The following A2M variants were observed in gnomAD, a reference collection of about 807,000 sequenced individuals.
The protein encoded by A2M is alpha-2-macroglobulin.
A neutral mutation model predicts 183.9 loss-of-function variants in A2M; 128 were observed. The observed-to-expected ratio is 0.70, with a 90% CI of 0.60 to 0.81. A2M has a LOEUF of 0.81. A2M is among the 30% of genes least tolerant of loss of function. The pLI is 0.00. For synonymous variants in A2M, 592 were observed against 670.8 expected (o/e 0.88, Z 1.81); for missense variants, 1,495 against 1,787.6 (o/e 0.84, Z 2.95).
At chr12:9,111,489 G>A (rs768234937) in intron 4 of A2M, 1 of 455,954 alleles carries the variant, frequency 2.2e-6, no homozygotes, top group East Asian at 7.0e-5. Flanking sequence ...CTAGCTTGCA[G>A]CAGTAGTTCA....
In A2M at chr12:9,095,251, C is replaced by A. The variant is rs138931034; in HGVS notation, c.2014-167G>T. 5.3e-4 allele frequency among the ~76,000 whole-genome samples: 80 copies of A among 152,276 alleles called. 1 individual carries two copies. In the East Asian group the frequency reaches 0.015, roughly 29 times the overall value. On this transcript the variant is annotated intron_variant, in intron 16 of 35. Coordinates refer to ENST00000318602, the MANE Select transcript of A2M (RefSeq NM_000014.6). ...ATATACTTAAGGATGTAATTTTATTCTTTTCATTAAACTCTTTCAACAGTA... is the reference window on the plus strand; with the variant it reads ...ATATACTTAAGGATGTAATTTTATTATTTTCATTAAACTCTTTCAACAGTA...
At chr12:9,092,790 AC>A (rs1949252017) in intron 18 of A2M, among the ~76,000 whole-genome samples, 1 of 152,204 alleles carries the variant, frequency 6.6e-6, no homozygotes, top group Admixed American at 6.5e-5. Flanking sequence ...TGAAATAAGC[AC>A]CTTGTAGAGA....
chr12:9,094,906 A>G, intron 17 of A2M, 67 bp downstream of exon 17: 2 of 830,922 alleles, frequency 2.4e-6, no homozygotes, highest in East Asian at 3.0e-5. Context: ...GTCACATTGT[A>G]TCTTTTAAAA....
In A2M at chr12:9,090,039, A is replaced by G. The variant is rs893169913; in HGVS notation, c.2597-16T>C. On this transcript the variant is annotated splice_polypyrimidine_tract_variant and intron_variant, in intron 20 of 35. Transcript: ENST00000318602. ...TTCACATTTCCTGAAAAAAAAGGCC[A>G]GTAGAAATGAATAGCATCTTCCCCT... is the stretch of plus-strand genomic sequence containing the variant. 5 of 1,582,448 alleles carry G rather than the reference A, an allele frequency of 3.2e-6. No homozygotes were observed. Among genetic ancestry groups the G allele is most frequent in the Middle Eastern group, 1.7e-4 (1 of 5,978 alleles).
intron 4 of A2M, among the ~76,000 whole-genome samples, chr12:9,110,603 A>C (rs1214852168): frequency 1.3e-5 from 2 of 151,662 alleles, no homozygotes; most frequent in African/African-American, 4.8e-5. Context: ...TGATATGGAT[A>C]ATGATAATGA....
At chr12:9,087,563 A>AT (rs1949085809) in intron 22 of A2M, among the ~76,000 whole-genome samples, 1 of 146,164 alleles carries the variant, frequency 6.8e-6, no homozygotes, top group Non-Finnish European at 1.6e-5. Flanking sequence ...GAAGGAATAC[A>AT]TTTTTTTCTT....
intron 10 of A2M, among the ~76,000 whole-genome samples, chr12:9,105,793 A>G (rs1000327515): frequency 1.3e-5 from 2 of 152,220 alleles, no homozygotes; most frequent in Non-Finnish European, 2.9e-5. Flanking sequence ...AGAATCTTTA[A>G]TACTTCAAAA....
Position 9,095,635 on chromosome 12 carries a change from A to C in A2M, c.1917T>G (p.Asn639Lys). 2 of 1,612,744 alleles carry C rather than the reference A, an allele frequency of 1.2e-6. No individual in the cohort carries two copies. The highest frequency in any genetic ancestry group is 1.7e-6 in the Non-Finnish European group (2 of 1,179,036). The part of the protein sequence containing the change: ...GFPGPLNDQD[N>K]EDCINRHNVY... ...CATTATGACGATTGATGCAGTCTTC[A>C]TTGTCCTGGTCATTCAAAGGCCCAG... The change falls in exon 16 of 36, where the codon AAT becomes AAG. Residue 639 changes from asparagine to lysine, a missense_variant. Transcript: ENST00000318602.
intron 22 of A2M, among the ~76,000 whole-genome samples, 156 bp downstream of exon 22, chr12:9,089,044 T>C (rs979124880): frequency 6.6e-6 from 1 of 152,246 alleles, no homozygotes; most frequent in Non-Finnish European, 1.5e-5. Context: ...TCAAATTACT[T>C]GGCCTTCCTA....
chr12:9,095,056 G>T lies in A2M; in HGVS notation c.2042C>A (p.Ser681Ter). ...EDMGLKAFTN[S>*]KIRKPKMCPQ... is the part of the protein sequence containing the mutation. The stretch of plus-strand genomic sequence containing the variant: ...ACACATTTTGGGTTTACGAATCTTT[G>T]AGTTGGTGAATGCCTTTAAGCCCAT... Residue 681 changes from serine to a stop codon, truncating the protein, a stop_gained, in exon 17 of 36, where the codon TCA (serine) becomes TAA (stop). Coordinates refer to ENST00000318602, the MANE Select transcript of A2M (RefSeq NM_000014.6). LOFTEE classifies it high-confidence loss of function. The T allele has an allele frequency of 6.3e-7, 1 of 1,592,894 alleles. No homozygotes were observed.
Position 9,095,643 on chromosome 12 carries a change from G to A in A2M, c.1909C>T (p.Gln637Ter). 6.2e-7 allele frequency: 1 copy of A among 1,612,196 alleles called. No homozygotes were observed. Among genetic ancestry groups the A allele is most frequent in the Non-Finnish European group, 8.5e-7 (1 of 1,178,830 alleles). The change falls in exon 16 of 36, where the codon CAG (glutamine) becomes TAG (stop). Residue 637 changes from glutamine to a stop codon, truncating the protein, a stop_gained. Coordinates refer to ENST00000318602, the MANE Select transcript of A2M (RefSeq NM_000014.6). LOFTEE classifies it high-confidence loss of function. Reference sequence around the variant, plus strand: ...CGATTGATGCAGTCTTCATTGTCCTGGTCATTCAAAGGCCCAGGGAAGCCA... The same window carrying A: ...CGATTGATGCAGTCTTCATTGTCCTAGTCATTCAAAGGCCCAGGGAAGCCA... The part of the protein sequence containing the change: ...LTGFPGPLND[Q>*]DNEDCINRHN...
chr12:9,081,300 C>G, intron 22 of A2M, among the ~76,000 whole-genome samples: 1 of 151,250 alleles, frequency 6.6e-6, no homozygotes, highest in East Asian at 1.9e-4. Flanking sequence ...AAATTTTTGG[C>G]AAAAATTAAA....
intron 31 of A2M, among the ~76,000 whole-genome samples, chr12:9,071,297 A>G (rs1948569556): frequency 6.6e-6 from 1 of 152,204 alleles, no homozygotes; most frequent in Admixed American, 6.5e-5. Context: ...AATAATTTAT[A>G]ATGTTTACTT....
At chr12:9,088,399 C>T (rs774667311) in intron 22 of A2M, among the ~76,000 whole-genome samples, 26 of 151,872 alleles carry the variant, frequency 1.7e-4, no homozygotes, top group African/African-American at 3.9e-4. Flanking sequence ...AACTCAGAAA[C>T]GGAGAAGTCA....
At position 9,070,513 on chromosome 12, in the gene A2M, A is replaced by AT; in HGVS notation, c.4168dup (p.Ile1390AsnfsTer11). ...CATTTTCACTGTTGGCTTCAGGGGA[A>AT]TGAAGCCAGAGACCATCTTCACATC... On this transcript the variant is annotated frameshift_variant, in exon 32 of 36. Coordinates refer to ENST00000318602, the MANE Select transcript of A2M (RefSeq NM_000014.6). LOFTEE classifies it high-confidence loss of function. 1 of 1,613,586 alleles carries AT rather than the reference A, an allele frequency of 6.2e-7. No homozygotes were observed. Among genetic ancestry groups the AT allele is most frequent in the East Asian group, 2.2e-5 (1 of 44,878 alleles).
intron 31 of A2M, 121 bp downstream of exon 31, chr12:9,072,238 C>G: frequency 8.8e-7 from 1 of 1,142,346 alleles, no homozygotes; most frequent in Non-Finnish European, 1.3e-6. Context: ...TAAGAGAATA[C>G]ATTGCATTTT....
rs182445309 is a variant in A2M at position 9,090,281 on chromosome 12, A to C, written c.2596+75T>G. On this transcript the variant is annotated intron_variant, in intron 20 of 35. Transcript: ENST00000318602. ...CTAGTGGTCTTTTCCTGAAGGAAGT[A>C]GCACTCAATATAAGGTTCCCACTGC... 4 of 1,598,044 alleles carry C rather than the reference A, an allele frequency of 2.5e-6. No individual in the cohort carries two copies. The African/African-American group carries it at 5.3e-5, about 21-fold the overall frequency.
chr12:9,104,273 G>A lies in A2M; in HGVS notation c.1232C>T (p.Thr411Ile). Reference protein sequence around the residue: ...EHGLVQFSINTTNVMGTSLTV... With the variant: ...EHGLVQFSINITNVMGTSLTV... ...AAGAGAGGTACCCATAACATTGGTG[G>A]TGTTGATAGAGAACTGTACAAGGCC... Residue 411 changes from threonine to isoleucine, a missense_variant, in exon 11 of 36, where the codon ACC becomes ATC. Transcript: ENST00000318602. 6.2e-7 allele frequency: 1 copy of A among 1,612,954 alleles called. No homozygotes were observed. The highest frequency in any genetic ancestry group is 1.6e-4 in the Middle Eastern group (1 of 6,062).
At position 9,104,539 on chromosome 12, in the gene A2M, G is replaced by A. The variant is rs141453420; in HGVS notation, c.1105-139C>T. 1.2e-3 allele frequency: 871 copies of A among 739,540 alleles called. 7 individuals carry two copies. The African/African-American group carries it at 0.014, about 12-fold the overall frequency. The allele number at this position is 739,540 out of a possible 1,614,324, so 45.8% of individuals were successfully genotyped here. A position where few individuals can be genotyped will look rare whatever the true frequency, so the allele number is the denominator to read the frequency against. Reference sequence around the variant, plus strand: ...TGAGGACACAGCAGTGAAAAAAAACGAAGTTTCTTCCATCACAGAGCTTAC... The same window carrying A: ...TGAGGACACAGCAGTGAAAAAAAACAAAGTTTCTTCCATCACAGAGCTTAC... On this transcript the variant is annotated intron_variant, in intron 10 of 35. Coordinates refer to ENST00000318602, the MANE Select transcript of A2M (RefSeq NM_000014.6).
Sources: allele counts gnomAD v4.1 joint callset (sites outside exome capture counted in the v4.1 genomes callset), GRCh38; gene constraint gnomAD v4.1.1; transcripts MANE v1.5; gene names NCBI Gene and HGNC (gene_info 2026-07-23, HGNC 2026-07-21).